ARHGEF7: variants seen among roughly 807,000 people sequenced by gnomAD.
The protein encoded by ARHGEF7 is PAK-interacting exchange factor beta.
ARHGEF7 carries 33 observed loss-of-function variants against 109.8 expected under a neutral mutation model. That is an observed-to-expected ratio of 0.30 (90% CI 0.23 to 0.40). The LOEUF (loss-of-function observed/expected upper bound fraction) is 0.40. ARHGEF7 is among the 10% of genes least tolerant of loss of function. The pLI is 1.00. For missense variants in ARHGEF7, 938 were observed against 1,098.5 expected (o/e 0.85, Z 2.07); for synonymous variants, 458 against 424.6 (o/e 1.08, Z -0.97).
rs574805391 is a variant in ARHGEF7 at position 111,187,392 on chromosome 13, T to C, written c.253-17897T>C. Reference sequence around the variant, plus strand: ...TGATGAGGGAGACCGTTCCTGAAACTGTGGCGCACACTCAGGAGAGTAGGA... The same window carrying C: ...TGATGAGGGAGACCGTTCCTGAAACCGTGGCGCACACTCAGGAGAGTAGGA... On this transcript the variant is annotated intron_variant, in intron 2 of 21. Coordinates refer to ENST00000646102, the MANE Select transcript of ARHGEF7 (RefSeq NM_001354046.2). 3.3e-5 allele frequency among the ~76,000 whole-genome samples: 5 copies of C among 152,310 alleles called. No homozygotes were observed. The East Asian group carries it at 9.7e-4, about 29-fold the overall frequency.
chr13:111,192,944 G>T (rs2080072706), intron 2 of ARHGEF7, among the ~76,000 whole-genome samples: 1 of 152,184 alleles, frequency 6.6e-6, no homozygotes, highest in Non-Finnish European at 1.5e-5. Flanking sequence ...CTAAATGCCA[G>T]TCCTCTCCGG....
At chr13:111,296,176 A>C (rs976488268) in intron 19 of ARHGEF7, among the ~76,000 whole-genome samples, 8 of 152,120 alleles carry the variant, frequency 5.3e-5, no homozygotes, top group African/African-American at 1.9e-4. Flanking sequence ...TCGTCTATGA[A>C]ATGGAAATGC....
At chr13:111,247,221 C>T (rs932938632) in intron 8 of ARHGEF7, among the ~76,000 whole-genome samples, 1 of 151,800 alleles carries the variant, frequency 6.6e-6, no homozygotes, top group Non-Finnish European at 1.5e-5. Context: ...AATTTCTGTA[C>T]CATTTTACAG....
chr13:111,115,276 G>C (rs4346092), upstream of ARHGEF7: 8 of 148,550 alleles, frequency 5.4e-5, no homozygotes, highest in African/African-American at 2.0e-4. Flanking sequence ...ATTGGGCGAC[G>C]GCGGCCGAGG....
intron 1 of ARHGEF7, chr13:111,153,655 C>A: frequency 8.1e-7 from 1 of 1,232,418 alleles, no homozygotes. Flanking sequence ...TCACTTCCGG[C>A]GCCGGGGCTC....
intron 20 of ARHGEF7, 119 bp from the exon 21 acceptor site, chr13:111,301,359 G>A: frequency 1.2e-6 from 1 of 838,752 alleles, no homozygotes. Context: ...ACAGTACATG[G>A]GTAAGGCAGA....
chr13:111,223,966 C>G (rs944364313), intron 5 of ARHGEF7, among the ~76,000 whole-genome samples: 8 of 151,766 alleles, frequency 5.3e-5, no homozygotes, highest in African/African-American at 1.7e-4. Flanking sequence ...AAGCGATTCT[C>G]CTACCCCAGC....
intron 8 of ARHGEF7, among the ~76,000 whole-genome samples, chr13:111,265,279 C>T (rs1178531420): frequency 6.6e-6 from 1 of 152,174 alleles, no homozygotes; most frequent in East Asian, 1.9e-4. Context: ...GTACTGATAA[C>T]AGCTCAGTAA....
rs181461219 is a variant in ARHGEF7 at position 111,271,799 on chromosome 13, T to G, written c.1074-2015T>G. ...TGGAGTTGATAAAATGTTTCTTGTC[T>G]TAATTTTTTTACAAGTGGATATATG... On this transcript the variant is annotated intron_variant, in intron 9 of 21. Transcript: ENST00000646102. Among the ~76,000 whole-genome samples the G allele has an allele frequency of 4.6e-5, 7 of 152,384 alleles. No homozygotes were observed. The East Asian group carries it at 1.3e-3, about 29-fold the overall frequency.
In ARHGEF7 at chr13:111,166,682, A is replaced by T. The variant is rs566925164; in HGVS notation, c.252+12691A>T. Among the ~76,000 whole-genome samples the T allele has an allele frequency of 8.0e-4, 122 of 152,302 alleles. 1 individual carries two copies. The highest frequency in any genetic ancestry group is 2.8e-3 in the African/African-American group (117 of 41,564). On this transcript the variant is annotated intron_variant, in intron 2 of 21. Transcript: ENST00000646102. ...GGGTTTGGCCTGAGCAGTTAGAAGA[A>T]GTTGTCTTTGGGATGGGGAAGTCTG...
intron 17 of ARHGEF7, among the ~76,000 whole-genome samples, chr13:111,286,455 C>G (rs770407692): frequency 6.6e-6 from 1 of 152,144 alleles, no homozygotes; most frequent in Non-Finnish European, 1.5e-5. Flanking sequence ...CCGTGCCAGT[C>G]CCGGCACCAC....
At chr13:111,221,548 T>TATAGAC (rs2084328326) in intron 5 of ARHGEF7, among the ~76,000 whole-genome samples, 1 of 77,508 alleles carries the variant, frequency 1.3e-5, no homozygotes. Context: ...TATAGATACA[T>TATAGAC]ATCTATATAT....
chr13:111,245,509 A>G (rs1031429779), intron 8 of ARHGEF7, among the ~76,000 whole-genome samples: 8 of 152,182 alleles, frequency 5.3e-5, no homozygotes, highest in African/African-American at 1.9e-4. Context: ...ATGCCGATCA[A>G]CTGTAGAACA....
intron 8 of ARHGEF7, among the ~76,000 whole-genome samples, chr13:111,260,705 A>G (rs1017203235): frequency 6.6e-5 from 10 of 152,266 alleles, no homozygotes; most frequent in African/African-American, 2.2e-4. Flanking sequence ...TCAGAAGAAT[A>G]CAGAATAGTA....
chr13:111,280,829 C>T, intron 15 of ARHGEF7, 152 bp downstream of exon 15: 1 of 878,246 alleles, frequency 1.1e-6, no homozygotes, highest in African/African-American at 1.7e-5. Flanking sequence ...GATCTTTGGC[C>T]CTCTTCGTGC....
At chr13:111,270,400 G>T (rs1159514936) in intron 9 of ARHGEF7, among the ~76,000 whole-genome samples, 1 of 151,076 alleles carries the variant, frequency 6.6e-6, no homozygotes, top group African/African-American at 2.4e-5. Context: ...TAGCTGTTTT[G>T]TTTTATTATG....
chr13:111,190,854 G>T (rs2079806083), intron 2 of ARHGEF7, among the ~76,000 whole-genome samples: 1 of 152,298 alleles, frequency 6.6e-6, no homozygotes, highest in South Asian at 2.1e-4. Flanking sequence ...TTAAAAAGGT[G>T]TGTGAGTTTG....
At chr13:111,229,298 G>A (rs1345455846) in intron 5 of ARHGEF7, among the ~76,000 whole-genome samples, 2 of 151,998 alleles carry the variant, frequency 1.3e-5, no homozygotes, top group African/African-American at 2.4e-5. Flanking sequence ...TTTAATCCGC[G>A]TATTTTAATC....
chr13:111,144,399 G>T (rs1404523470), intron 1 of ARHGEF7: 1 of 152,230 alleles, frequency 6.6e-6, no homozygotes, highest in African/African-American at 2.4e-5. Flanking sequence ...GTATTTAGCA[G>T]TCAAATCCTT....
Sources: gnomAD v4.1 joint callset for allele counts (sites outside exome capture counted in the v4.1 genomes callset) on GRCh38, gnomAD v4.1.1 for gene constraint, MANE v1.5 for transcripts, NCBI Gene and HGNC (gene_info 2026-07-23, HGNC 2026-07-21) for gene names.